The following UBR2 variants were observed in gnomAD, a reference collection of about 807,000 sequenced individuals.
UBR2 encodes E3 ubiquitin-protein ligase UBR2.
In UBR2, 92 loss-of-function variants were observed where a neutral mutation model predicts 247.9. The observed-to-expected ratio is 0.37, with a 90% confidence interval of 0.31 to 0.44. The LOEUF (loss-of-function observed/expected upper bound fraction) is 0.44, where lower values mean the gene tolerates loss of function less well. UBR2 is among the 20% of genes least tolerant of loss of function. The pLI, the probability that UBR2 is intolerant of heterozygous loss-of-function variation, is 1.00. For missense variants in UBR2, 1,613 were observed against 2,112.6 expected (o/e 0.76, Z 4.64); for synonymous variants, 672 against 693.5 (o/e 0.97, Z 0.49).
chr6:42,594,728 T>G (rs555951115), intron 4 of UBR2, among the ~76,000 whole-genome samples: 1 of 152,312 alleles, frequency 6.6e-6, no homozygotes, highest in African/African-American at 2.4e-5. Context: ...TGGTTTCCAT[T>G]ATCATTGGTT....
At chr6:42,682,019 A>AG (rs1799086280) in intron 42 of UBR2, among the ~76,000 whole-genome samples, 2 of 152,224 alleles carry the variant, frequency 1.3e-5, no homozygotes, top group African/African-American at 4.8e-5. Context: ...GGTTGCAGTG[A>AG]GCCAAGATTA....
chr6:42,688,497 GA>G (rs1799572486), intron 45 of UBR2, 111 bp downstream of exon 45: 1 of 1,284,398 alleles, frequency 7.8e-7, no homozygotes, highest in East Asian at 2.4e-5. Context: ...TGTTCCGTGT[GA>G]TTCATTCCAG....
intron 43 of UBR2, among the ~76,000 whole-genome samples, chr6:42,683,609 T>C (rs1354399031): frequency 6.6e-6 from 1 of 152,240 alleles, no homozygotes; most frequent in Non-Finnish European, 1.5e-5. Flanking sequence ...TGTGTCTCAA[T>C]TGTTACTATA....
intron 39 of UBR2, among the ~76,000 whole-genome samples, chr6:42,676,409 T>C (rs1798724562): frequency 6.6e-6 from 1 of 152,248 alleles, no homozygotes; most frequent in African/African-American, 2.4e-5. Context: ...ATACATTCAG[T>C]AATATTTGTG....
chr6:42,620,564 C>T (rs1187252372), intron 11 of UBR2, among the ~76,000 whole-genome samples: 1 of 148,364 alleles, frequency 6.7e-6, no homozygotes, highest in Non-Finnish European at 1.5e-5. Flanking sequence ...GGCATGATCT[C>T]GGGTCAGTGC....
intron 2 of UBR2, among the ~76,000 whole-genome samples, chr6:42,586,538 CTTTTTTTTTT>C (rs147830824): frequency 5.1e-5 from 5 of 97,256 alleles, no homozygotes; most frequent in East Asian, 2.9e-4. Context: ...GTTTGTCTCT[CTTTTTTTTTT>C]TTTTTTTTTT....
intron 15 of UBR2, 36 bp downstream of exon 15, chr6:42,637,230 A>G (rs755256598): frequency 6.3e-7 from 1 of 1,581,720 alleles, no homozygotes; most frequent in Non-Finnish European, 8.6e-7. Flanking sequence ...CCCTAAAATT[A>G]TCTTTTAAAT....
intron 2 of UBR2, among the ~76,000 whole-genome samples, chr6:42,583,992 AT>A (rs199507142): frequency 0.068 from 8,216 of 120,306 alleles, 191 homozygotes; most frequent in South Asian, 0.1. Flanking sequence ...TCCCCATTGA[AT>A]TTTTTTTTTT....
rs566958433 is a variant in UBR2, at chr6:42,564,160, T to C, written c.-160T>C. Reference sequence around the variant, plus strand: ...GGAGGCCGCTGTCCTTCCTTTCCGGTTCACGTCACCCTTCTCTCCCTCTGT... The same window carrying C: ...GGAGGCCGCTGTCCTTCCTTTCCGGCTCACGTCACCCTTCTCTCCCTCTGT... On this transcript the variant is annotated 5_prime_UTR_variant, in exon 1 of 47. Coordinates refer to ENST00000372901, the MANE Select transcript of UBR2 (RefSeq NM_001363705.2). 6.5e-6 allele frequency: 5 copies of C among 767,416 alleles called. No homozygotes were observed. The African/African-American group carries it at 7.3e-5, about 11-fold the overall frequency. 47.5% of individuals were successfully genotyped at this position (767,416 alleles called of 1,614,324 possible).
intron 40 of UBR2, 36 bp from the exon 41 acceptor site, chr6:42,678,503 A>G (rs746341462): frequency 6.3e-7 from 1 of 1,594,010 alleles, no homozygotes; most frequent in Non-Finnish European, 8.5e-7. Context: ...ACCTTTTCTT[A>G]GTAGATTTCC....
At chr6:42,635,204 A>T (rs1226765973) in intron 13 of UBR2, among the ~76,000 whole-genome samples, 2 of 152,184 alleles carry the variant, frequency 1.3e-5, no homozygotes, top group Non-Finnish European at 2.9e-5. Context: ...TAATGTGTTT[A>T]TTGGGATTTC....
At chr6:42,682,356 ACTTAATG>A (rs1412935850) in intron 42 of UBR2, among the ~76,000 whole-genome samples, 1 of 152,008 alleles carries the variant, frequency 6.6e-6, no homozygotes, top group East Asian at 1.9e-4. Context: ...ATATGAAGGT[ACTTAATG>A]CTACAGAACA....
chr6:42,621,510 T>C (rs1268547368), intron 11 of UBR2, among the ~76,000 whole-genome samples: 1 of 152,066 alleles, frequency 6.6e-6, no homozygotes, highest in Non-Finnish European at 1.5e-5. Context: ...TTGCCCAGGC[T>C]GGAGTGCAAT....
intron 11 of UBR2, among the ~76,000 whole-genome samples, chr6:42,620,791 C>T (rs1052900430): frequency 2.0e-5 from 3 of 151,144 alleles, no homozygotes; most frequent in Non-Finnish European, 2.9e-5. Flanking sequence ...ATAATTATAA[C>T]ATGTACTAAT....
rs1798157519 is a variant in UBR2, at chr6:42,667,228, T to TG, written c.3881+989dup. Among the ~76,000 whole-genome samples the TG allele has an allele frequency of 6.0e-5, 9 of 151,254 alleles. 1 individual carries two copies. In the South Asian group the frequency reaches 1.7e-3, roughly 28 times the overall value. On this transcript the variant is annotated intron_variant, in intron 34 of 46. Coordinates refer to ENST00000372901, the MANE Select transcript of UBR2 (RefSeq NM_001363705.2). ...GTGCACGCTTGTAATCCCAGCTACT[T>TG]GGGGGGCTGAGGCAGGAGAATCGCT...
chr6:42,665,764 G>C (rs565890213), intron 33 of UBR2, among the ~76,000 whole-genome samples: 15 of 150,328 alleles, frequency 1.0e-4, no homozygotes, highest in Admixed American at 2.0e-4. Flanking sequence ...TTCTGGAGGT[G>C]GGGGAGATGT....
chr6:42,644,321 T>G lies in UBR2; in HGVS notation c.2205T>G (p.Ser735=). 6.2e-7 allele frequency: 1 copy of G among 1,613,086 alleles called. No homozygotes were observed. The highest frequency in any genetic ancestry group is 8.5e-7 in the Non-Finnish European group (1 of 1,179,744). The change falls in exon 19 of 47, where the codon TCT becomes TCG. Residue 735 remains serine (S), a synonymous_variant. Transcript: ENST00000372901. The stretch of plus-strand genomic sequence containing the variant: ...CAGACTATGGAAAAAGATTTAGTTC[T>G]GAGATTACCCATAAGGTAAGAACGT... The part of the protein sequence containing the change: ...STPDYGKRFS[S]EITHKDVVQQ...
chr6:42,610,423 G>A (rs1793994585), intron 7 of UBR2, among the ~76,000 whole-genome samples: 1 of 152,170 alleles, frequency 6.6e-6, no homozygotes, highest in African/African-American at 2.4e-5. Context: ...CCAAAAGGTA[G>A]CAGCAACCCA....
Position 42,679,712 on chromosome 6 carries a change from C to A in UBR2, c.4610-12C>A. The A allele has an allele frequency of 1.3e-6, 2 of 1,590,376 alleles. No homozygotes were observed. Among genetic ancestry groups the A allele is most frequent in the South Asian group, 2.2e-5 (2 of 90,246 alleles). Reference sequence around the variant, plus strand: ...TTGTTATATGCACTCTTTTCTTGTTCTTCATTTGCAGTTCCTGGAACAAGC... The same window carrying A: ...TTGTTATATGCACTCTTTTCTTGTTATTCATTTGCAGTTCCTGGAACAAGC... On this transcript the variant is annotated splice_polypyrimidine_tract_variant and intron_variant, in intron 41 of 46. Coordinates refer to ENST00000372901, the MANE Select transcript of UBR2 (RefSeq NM_001363705.2).
Sources: gnomAD v4.1 joint callset for allele counts (sites outside exome capture counted in the v4.1 genomes callset) on GRCh38, gnomAD v4.1.1 for gene constraint, MANE v1.5 for transcripts, NCBI Gene and HGNC (gene_info 2026-07-23, HGNC 2026-07-21) for gene names.